The following EPM2A variants were observed in gnomAD, a reference collection of about 807,000 sequenced individuals.
EPM2A encodes laforin.
In EPM2A, 21 loss-of-function variants were observed where a neutral mutation model predicts 26.5. That is an observed-to-expected ratio of 0.79 (90% CI 0.56 to 1.14). The LOEUF (loss-of-function observed/expected upper bound fraction) is 1.14, where lower values mean the gene tolerates loss of function less well. EPM2A is among the 50% of genes most tolerant of loss of function. The probability of loss-of-function intolerance (pLI) is 0.00; values close to 1 mark genes in which losing one functional copy is unlikely to be tolerated. For missense variants in EPM2A, 458 were observed against 440.8 expected (o/e 1.04, Z -0.35); for synonymous variants, 217 against 177.6 (o/e 1.22, Z -1.76).
intron 2 of EPM2A, among the ~76,000 whole-genome samples, chr6:145,655,888 A>T (rs946833191): frequency 7.9e-5 from 12 of 152,202 alleles, no homozygotes; most frequent in African/African-American, 2.9e-4. Flanking sequence ...ATAAGGCAAG[A>T]AATAAGCTTA....
intron 4 of EPM2A, among the ~76,000 whole-genome samples, chr6:145,470,246 A>G (rs527558509): frequency 1.2e-4 from 19 of 152,154 alleles, no homozygotes; most frequent in East Asian, 5.8e-4. Context: ...TGATCTGATT[A>G]TTATACATTG....
At chr6:145,660,914 T>C (rs1161729795) in intron 2 of EPM2A, among the ~76,000 whole-genome samples, 4 of 152,212 alleles carry the variant, frequency 2.6e-5, no homozygotes, top group East Asian at 1.9e-4. Flanking sequence ...GTTTTAAATA[T>C]GTGTTTAGAC....
chr6:145,701,722 A>G (rs1781921688), intron 1 of EPM2A, among the ~76,000 whole-genome samples: 1 of 152,240 alleles, frequency 6.6e-6, no homozygotes, highest in Non-Finnish European at 1.5e-5. Context: ...GGAACACATT[A>G]TCTTTCTCCA....
At chr6:145,734,585 C>T (rs1776708478) in intron 1 of EPM2A, 1 of 152,058 alleles carries the variant, frequency 6.6e-6, no homozygotes, top group South Asian at 2.1e-4. Flanking sequence ...AACGTTTTTC[C>T]ATTAGTTCAT....
At chr6:145,438,469 ATTTTTTTTT>A (rs68038397) in intron 4 of EPM2A, among the ~76,000 whole-genome samples, 1 of 117,214 alleles carries the variant, frequency 8.5e-6, no homozygotes, top group Middle Eastern at 4.6e-3. Context: ...GAAGGGAATA[ATTTTTTTTT>A]TTTTTTTTTT....
intron 1 of EPM2A, among the ~76,000 whole-genome samples, chr6:145,719,313 T>C (rs555369753): frequency 6.7e-6 from 1 of 150,166 alleles, no homozygotes; most frequent in South Asian, 2.2e-4. Context: ...TGAGTTCATG[T>C]CCTTTGTAGG....
intron 2 of EPM2A, among the ~76,000 whole-genome samples, chr6:145,524,231 T>C (rs1397802488): frequency 6.6e-6 from 1 of 152,210 alleles, no homozygotes; most frequent in African/African-American, 2.4e-5. Flanking sequence ...TAGTGGATAG[T>C]GCTGCAATGA....
At chr6:145,518,506 T>C (rs946726261) in intron 2 of EPM2A, among the ~76,000 whole-genome samples, 1 of 151,670 alleles carries the variant, frequency 6.6e-6, no homozygotes, top group African/African-American at 2.4e-5. Context: ...AGCTCTTGCT[T>C]TGCCCTTTCC....
intron 2 of EPM2A, chr6:145,638,041 TTTTA>T (rs1488729683): frequency 6.6e-6 from 1 of 152,242 alleles, no homozygotes; most frequent in East Asian, 1.9e-4. Context: ...AGACAGTAAT[TTTTA>T]TTTGTTTGTT....
chr6:145,513,519 A>G (rs1057310526), intron 2 of EPM2A, among the ~76,000 whole-genome samples: 1 of 152,238 alleles, frequency 6.6e-6, no homozygotes, highest in East Asian at 1.9e-4. Context: ...AAATAGAACT[A>G]TTAGATCCAG....
intron 1 of EPM2A, chr6:145,721,467 A>C (rs367765580): frequency 6.6e-5 from 10 of 152,216 alleles, no homozygotes; most frequent in African/African-American, 2.2e-4. Flanking sequence ...CTGGAAGAGA[A>C]GTCCTGGGAC....
intron 1 of EPM2A, among the ~76,000 whole-genome samples, chr6:145,723,468 T>C (rs149650248): frequency 2.1e-4 from 32 of 152,092 alleles, no homozygotes; most frequent in Non-Finnish European, 2.6e-4. Context: ...CCAAAAGAAT[T>C]AGAAATAAGT....
intron 3 of EPM2A, among the ~76,000 whole-genome samples, chr6:145,632,983 T>A (rs551389102): frequency 2.0e-5 from 3 of 152,228 alleles, no homozygotes; most frequent in Admixed American, 2.0e-4. Flanking sequence ...AAAGAAGCTA[T>A]GCTACTGCAC....
Position 145,735,344 on chromosome 6 carries a change from A to C in EPM2A, c.155T>G (p.Leu52Arg), listed in dbSNP as rs1160717420. 2 of 1,201,516 alleles carry C rather than the reference A, an allele frequency of 1.7e-6. No individual in the cohort carries two copies. Among genetic ancestry groups the C allele is most frequent in the Non-Finnish European group, 1.1e-6 (1 of 949,252 alleles). The allele number at this position is 1,201,516 out of a possible 1,614,324, so 74.4% of individuals were successfully genotyped here. The change falls in exon 1 of 4, where the codon CTG (leucine) becomes CGG (arginine). Residue 52 changes from leucine (L) to arginine (R), a missense_variant. Coordinates refer to ENST00000367519, the MANE Select transcript of EPM2A (RefSeq NM_005670.4). ...CCACAGGCCCGGCTCCTGCAGGGCCAGGGCCCCGTCGCCCGCCGCGGTGCC... is the reference window on the plus strand; with the variant it reads ...CCACAGGCCCGGCTCCTGCAGGGCCCGGGCCCCGTCGCCCGCCGCGGTGCC... ...PAGTAAGDGALALQEPGLWLG... is the reference protein window; with the variant it reads ...PAGTAAGDGARALQEPGLWLG...
chr6:145,578,686 A>G (rs1331164608), intron 2 of EPM2A, among the ~76,000 whole-genome samples: 1 of 152,212 alleles, frequency 6.6e-6, no homozygotes, highest in Non-Finnish European at 1.5e-5. Context: ...ATCCTTTTGG[A>G]AAAACAAATA....
downstream of EPM2A, among the ~76,000 whole-genome samples, chr6:145,624,449 G>A (rs536875317): frequency 3.5e-4 from 53 of 152,136 alleles, no homozygotes; most frequent in Admixed American, 7.2e-4. Context: ...TAACAATACT[G>A]TCTGCTCTCA....
At chr6:145,413,184 T>C (rs1778665795) in intron 4 of EPM2A, among the ~76,000 whole-genome samples, 1 of 152,256 alleles carries the variant, frequency 6.6e-6, no homozygotes, top group African/African-American at 2.4e-5. Context: ...TAAAATGATG[T>C]TGTTAAATAC....
chr6:145,485,314 T>C (rs1189988651), intron 4 of EPM2A, among the ~76,000 whole-genome samples: 1 of 152,124 alleles, frequency 6.6e-6, no homozygotes, highest in Non-Finnish European at 1.5e-5. Flanking sequence ...GCCACTGAGA[T>C]ATTATTCTAC....
At chr6:145,524,863 T>A (rs1780249154) in intron 2 of EPM2A, among the ~76,000 whole-genome samples, 1 of 152,148 alleles carries the variant, frequency 6.6e-6, no homozygotes. Context: ...TCCAGAATGG[T>A]ATTTTCTAGC....
Sources: gnomAD v4.1 joint callset for allele counts (sites outside exome capture counted in the v4.1 genomes callset) on GRCh38, gnomAD v4.1.1 for gene constraint, MANE v1.5 for transcripts, NCBI Gene and HGNC (gene_info 2026-07-23, HGNC 2026-07-21) for gene names.